Variants in WWP1 observed in about 807,000 individuals in gnomAD.
The protein encoded by WWP1 is WW domain containing E3 ubiquitin protein ligase 1.
WWP1 carries 49 observed loss-of-function variants against 130.6 expected under a neutral mutation model. That is an observed-to-expected ratio of 0.38 (90% CI 0.30 to 0.48). WWP1 has a LOEUF of 0.48. Among genes scored for constraint, WWP1 ranks in the 20% least tolerant of loss-of-function variants. The pLI is 0.99. For missense variants in WWP1, 809 were observed against 1,100.6 expected (o/e 0.74, Z 3.75); for synonymous variants, 332 against 367.8 (o/e 0.90, Z 1.11).
intron 8 of WWP1, among the ~76,000 whole-genome samples, chr8:86,409,226 CTT>C (rs1230976832): frequency 4.5e-4 from 45 of 100,486 alleles, no homozygotes; most frequent in East Asian, 1.8e-3. Flanking sequence ...CTTTTTCTTT[CTT>C]TTTTTTTTTT....
At chr8:86,345,062 G>A (rs186791569) in intron 1 of WWP1, among the ~76,000 whole-genome samples, 2 of 152,276 alleles carry the variant, frequency 1.3e-5, no homozygotes, top group Non-Finnish European at 1.5e-5. Flanking sequence ...AGACCTCCCA[G>A]TTGTTGTAGT....
At chr8:86,361,671 T>G (rs539086493) in intron 1 of WWP1, among the ~76,000 whole-genome samples, 1 of 152,202 alleles carries the variant, frequency 6.6e-6, no homozygotes, top group East Asian at 1.9e-4. Flanking sequence ...CCTTTCCACT[T>G]CTTTCCTTTT....
intron 8 of WWP1, among the ~76,000 whole-genome samples, chr8:86,409,226 CTTTTTTTTTTT>C (rs1230976832): frequency 0.011 from 1,059 of 100,516 alleles, 7 homozygotes; most frequent in Non-Finnish European, 0.016. Flanking sequence ...CTTTTTCTTT[CTTTTTTTTTTT>C]TTTTTTTTTT....
chr8:86,409,276 C>T (rs1306025429), intron 8 of WWP1, among the ~76,000 whole-genome samples: 2 of 136,448 alleles, frequency 1.5e-5, no homozygotes, highest in Admixed American at 7.7e-5. Context: ...CTCTTTTGCC[C>T]AGGTTGGAGT....
At chr8:86,369,177 C>G (rs1300286630) in intron 2 of WWP1, 146 bp downstream of exon 2, 1 of 152,144 alleles carries the variant, frequency 6.6e-6, no homozygotes, top group Non-Finnish European at 1.5e-5. Context: ...GCTCAGTTTT[C>G]TCATCTCTAA....
At chr8:86,373,995 C>A in intron 2 of WWP1, 35 bp from the exon 3 acceptor site, 3 of 1,486,332 alleles carry the variant, frequency 2.0e-6, no homozygotes, top group Non-Finnish European at 2.8e-6. Context: ...AAACTCTTAT[C>A]TAACACATGA....
At chr8:86,457,812 G>A (rs1811540508) in intron 21 of WWP1, 109 bp from the exon 22 acceptor site, 2 of 927,658 alleles carry the variant, frequency 2.2e-6, no homozygotes, top group Admixed American at 4.2e-5. Flanking sequence ...CATGCATATA[G>A]CTTTTCACAT....
intron 9 of WWP1, among the ~76,000 whole-genome samples, chr8:86,423,012 T>G (rs1393561757): frequency 6.6e-6 from 1 of 151,752 alleles, no homozygotes. Flanking sequence ...CAGTATATTA[T>G]TTCATAGACA....
intron 16 of WWP1, among the ~76,000 whole-genome samples, chr8:86,435,932 C>G (rs150946732): frequency 6.6e-6 from 1 of 152,040 alleles, no homozygotes; most frequent in Non-Finnish European, 1.5e-5. Context: ...CCTCTGGGCT[C>G]GAACGATCTA....
chr8:86,364,798 C>A, intron 1 of WWP1, among the ~76,000 whole-genome samples: 1 of 142,330 alleles, frequency 7.0e-6, no homozygotes. Flanking sequence ...AAAAGTGAGA[C>A]CCTGCCTCGA....
At chr8:86,343,273 C>T (rs1586213030) in intron 1 of WWP1, 1 of 154,786 alleles carries the variant, frequency 6.5e-6, no homozygotes, top group African/African-American at 2.4e-5. Flanking sequence ...TCCCTAACAC[C>T]TCCCTGAAAA....
rs1311625852 is a variant in WWP1, at chr8:86,431,660, T to C, written c.1518T>C (p.Tyr506=). ...EPLPEGWEIR[Y]TREGVRYFVD... Reference sequence around the variant, plus strand: ...TGCCAGAAGGCTGGGAAATTAGATATACTCGTGAAGGTGTAAGGTACTTTG... The same window carrying C: ...TGCCAGAAGGCTGGGAAATTAGATACACTCGTGAAGGTGTAAGGTACTTTG... Residue 506 remains tyrosine, a synonymous_variant, in exon 14 of 25, where the codon TAT becomes TAC. Coordinates refer to ENST00000517970, the MANE Select transcript of WWP1 (RefSeq NM_007013.4). 1.2e-6 allele frequency: 2 copies of C among 1,614,024 alleles called. No homozygotes were observed. Among genetic ancestry groups the C allele is most frequent in the African/African-American group, 2.7e-5 (2 of 75,034 alleles).
At chr8:86,394,352 A>G (rs1343732942) in intron 5 of WWP1, among the ~76,000 whole-genome samples, 1 of 152,190 alleles carries the variant, frequency 6.6e-6, no homozygotes, top group African/African-American at 2.4e-5. Context: ...TCTGCCTTAC[A>G]AGAGTAAGTT....
intron 16 of WWP1, among the ~76,000 whole-genome samples, chr8:86,437,155 AGCTGT>A (rs1810337681): frequency 6.6e-6 from 1 of 152,200 alleles, no homozygotes. Context: ...CATGCTGGTG[AGCTGT>A]GCTCCAACCC....
chr8:86,443,966 G>T (rs557435928), intron 18 of WWP1, among the ~76,000 whole-genome samples: 1 of 152,164 alleles, frequency 6.6e-6, no homozygotes, highest in Non-Finnish European at 1.5e-5. Context: ...GTTGAGTAGG[G>T]CAATGAGTGA....
intron 1 of WWP1, among the ~76,000 whole-genome samples, chr8:86,356,568 C>T (rs1338952819): frequency 1.1e-4 from 17 of 151,914 alleles, no homozygotes; most frequent in Admixed American, 1.1e-3. Context: ...CAGTACTGTA[C>T]TGATACCATT....
chr8:86,403,084 A>G (rs975015679), intron 8 of WWP1, among the ~76,000 whole-genome samples: 2 of 151,888 alleles, frequency 1.3e-5, no homozygotes, highest in Non-Finnish European at 2.9e-5. Context: ...TTGTATATTA[A>G]CTCTTTCAGG....
chr8:86,379,134 T>C (rs1260726180), intron 3 of WWP1, among the ~76,000 whole-genome samples: 2 of 152,208 alleles, frequency 1.3e-5, no homozygotes, highest in African/African-American at 4.8e-5. Context: ...AGGAAATATA[T>C]GAGCACTTTT....
intron 10 of WWP1, 124 bp from the exon 11 acceptor site, chr8:86,427,519 A>G (rs1177993354): frequency 1.0e-6 from 1 of 987,922 alleles, no homozygotes; most frequent in African/African-American, 1.7e-5. Context: ...AATAGTTCAT[A>G]GTTTTATATG....
Sources: allele counts gnomAD v4.1 joint callset (sites outside exome capture counted in the v4.1 genomes callset), GRCh38; gene constraint gnomAD v4.1.1; transcripts MANE v1.5; gene names NCBI Gene and HGNC (gene_info 2026-07-23, HGNC 2026-07-21).